The following C1orf159 variants were observed in gnomAD, a reference collection of about 807,000 sequenced individuals.
C1orf159 encodes uncharacterized protein C1orf159.
In C1orf159, 19 loss-of-function variants were observed where a neutral mutation model predicts 25.6. The observed-to-expected ratio is 0.74, with a 90% CI of 0.52 to 1.09. The LOEUF (loss-of-function observed/expected upper bound fraction) is 1.09. Among genes scored for constraint, C1orf159 ranks in the 50% least tolerant of loss-of-function variants. C1orf159 has a pLI of 0.00. For missense variants in C1orf159, 274 were observed against 290.6 expected, an observed-to-expected ratio of 0.94 and a Z score of 0.42; for synonymous variants, 139 against 124.7, an observed-to-expected ratio of 1.12 and a Z score of -0.77.
At chr1:1,091,240 G>A (rs944595306) in intron 3 of C1orf159, 1 of 635,050 alleles carries the variant, frequency 1.6e-6, no homozygotes, top group Non-Finnish European at 2.8e-6. Context: ...CACCGTGGGG[G>A]CCCCGCCTGA....
intron 3 of C1orf159, chr1:1,091,246 C>G (rs920781996): frequency 7.8e-6 from 5 of 640,930 alleles, no homozygotes; most frequent in African/African-American, 7.3e-5. Context: ...GGGGGCCCCG[C>G]CTGACCCAGC....
At chr1:1,105,969 G>T (rs56192957) in intron 1 of C1orf159, 23 of 152,334 alleles carry the variant, frequency 1.5e-4, no homozygotes, top group Non-Finnish European at 2.5e-4. Context: ...GAAGTGAAAT[G>T]CGTGCCGACA....
rs796696958 is a variant in C1orf159, at chr1:1,089,078, C to T, written c.148+1275G>A. Among the ~76,000 whole-genome samples, 8 of 152,300 alleles carry T rather than the reference C, an allele frequency of 5.3e-5. No homozygotes were observed. The highest frequency in any genetic ancestry group is 4.1e-4 in the South Asian group (2 of 4,826). On this transcript the variant is annotated intron_variant, in intron 4 of 9. Coordinates refer to ENST00000421241, the MANE Select transcript of C1orf159 (RefSeq NM_017891.5). The surrounding 1 kb of genome is among the most constrained non-coding windows in gnomAD (Gnocchi z 7.5). ...GCGCAGCACTGTCCCCAGAAGTGCC[C>T]GCTGCCTCCCCGAGCGGAGACGTGA...
At position 1,086,141 on chromosome 1, in the gene C1orf159, T is replaced by C. The variant is rs1008433300; in HGVS notation, c.311-129A>G. On this transcript the variant is annotated intron_variant, in intron 6 of 9. Coordinates refer to ENST00000421241, the MANE Select transcript of C1orf159 (RefSeq NM_017891.5). ...TGCCTGAGCCTCACGGGACCGGCTGTGGGTGCCGAGGGCTCTGCACATGGG... is the reference window on the plus strand; with the variant it reads ...TGCCTGAGCCTCACGGGACCGGCTGCGGGTGCCGAGGGCTCTGCACATGGG... 3.7e-5 allele frequency: 44 copies of C among 1,199,352 alleles called. No homozygotes were observed. In the African/African-American group the frequency reaches 4.7e-4, roughly 13 times the overall value. 74.3% of individuals were successfully genotyped at this position (1,199,352 alleles called of 1,614,324 possible).
chr1:1,083,527 T>C (rs1645778500), intron 9 of C1orf159: 1 of 244,162 alleles, frequency 4.1e-6, no homozygotes, highest in East Asian at 1.2e-4. Context: ...CAGCCACAGA[T>C]GCCTGAGCCG....
intron 1 of C1orf159, among the ~76,000 whole-genome samples, chr1:1,102,614 TAAAAAAAAAAAAA>T (rs1170365187): frequency 1.7e-3 from 57 of 34,130 alleles, no homozygotes; most frequent in African/African-American, 4.5e-3. Context: ...CTGTCTCTAC[TAAAAAAAAAAAAA>T]AAAAAAAAAA....
rs1646246784 is a variant in C1orf159, at chr1:1,110,767, C to T, written c.-136+5293G>A. On this transcript the variant is annotated intron_variant, in intron 1 of 9. Coordinates refer to ENST00000421241, the MANE Select transcript of C1orf159 (RefSeq NM_017891.5). This position sits in a 1 kb window ranked among gnomAD's most constrained non-coding sequence, Gnocchi z 4.8. ...AAACCCACCCGGGCGCCCTCAGAGA[C>T]GACGAGCACGCAACAGCGCATCCCA... Among the ~76,000 whole-genome samples, 1 of 152,188 alleles carries T rather than the reference C, an allele frequency of 6.6e-6. No homozygotes were observed. The highest frequency in any genetic ancestry group is 2.4e-5 in the African/African-American group (1 of 41,446).
intron 1 of C1orf159, among the ~76,000 whole-genome samples, chr1:1,103,675 G>A (rs1278460588): frequency 6.6e-6 from 1 of 152,142 alleles, no homozygotes; most frequent in Non-Finnish European, 1.5e-5. Context: ...AGCTATGGGT[G>A]CCTAGCTCCT....
chr1:1,087,504 C>G lies in C1orf159; in HGVS notation c.242G>C (p.Ser81Thr), dbSNP rs1645850594. The G allele has an allele frequency of 5.8e-6, 9 of 1,548,696 alleles. No individual in the cohort carries two copies. Among genetic ancestry groups the G allele is most frequent in the Non-Finnish European group, 7.9e-6 (9 of 1,145,916 alleles). ...CGGGGGGAGCCGGGCAGACCTACAG[C>G]TTCTACACTCGGAGCCGTTGTAGGC... ...LPAYNGSECR[S>T]FAGPGAPFPM... is the part of the protein sequence containing the mutation. The change falls in exon 5 of 10, where the codon AGC becomes ACC. Residue 81 changes from serine to threonine, a missense_variant and splice_region_variant. Physicochemically the swap from Ser to Thr is moderately conservative, Grantham distance 58. Transcript: ENST00000421241. This position sits in a 1 kb window ranked among gnomAD's most constrained non-coding sequence, Gnocchi z 8.3.
intron 1 of C1orf159, among the ~76,000 whole-genome samples, chr1:1,107,048 C>T (rs950616822): frequency 7.2e-5 from 11 of 152,242 alleles, no homozygotes; most frequent in African/African-American, 2.7e-4. Context: ...CCCGCACCCC[C>T]GCCCGTGGGC....
intron 1 of C1orf159, among the ~76,000 whole-genome samples, chr1:1,097,474 G>A (rs1350184994): frequency 1.3e-5 from 2 of 151,914 alleles, no homozygotes; most frequent in African/African-American, 4.8e-5. Context: ...GTGCAGTGGT[G>A]TGATCACAGT....
chr1:1,087,613 G>A lies in C1orf159; in HGVS notation c.149-16C>T, dbSNP rs1323469253. On this transcript the variant is annotated splice_polypyrimidine_tract_variant and intron_variant, in intron 4 of 9. Transcript: ENST00000421241. This position sits in a 1 kb window ranked among gnomAD's most constrained non-coding sequence, Gnocchi z 8.3. ...CTGTAACAGCCTGCGTGGGGCAGAG[G>A]ACGGGCATGTCAGCCAAAGCAAAAT... 2.0e-6 allele frequency: 3 copies of A among 1,526,780 alleles called. No homozygotes were observed. Among genetic ancestry groups the A allele is most frequent in the African/African-American group, 2.8e-5 (2 of 72,444 alleles). The allele number at this position is 1,526,780 out of a possible 1,614,324, so 94.6% of individuals were successfully genotyped here.
rs762881637 is a variant in C1orf159 at position 1,084,346 on chromosome 1, C to T, written c.502+7G>A. 3.2e-6 allele frequency: 5 copies of T among 1,548,888 alleles called. No homozygotes were observed. The highest frequency in any genetic ancestry group is 4.4e-6 in the Non-Finnish European group (5 of 1,147,462). The stretch of plus-strand genomic sequence containing the variant: ...ACCCCACAGGGGGATGCGACAGCTG[C>T]TGTTACCTGAGGACTGTGGCGGGGG... On this transcript the variant is annotated splice_region_variant and intron_variant, in intron 9 of 9. Coordinates refer to ENST00000421241, the MANE Select transcript of C1orf159 (RefSeq NM_017891.5).
intron 1 of C1orf159, among the ~76,000 whole-genome samples, chr1:1,098,016 T>C (rs1429291379): frequency 6.6e-6 from 1 of 152,186 alleles, no homozygotes; most frequent in Non-Finnish European, 1.5e-5. Context: ...ATATTTTCAT[T>C]ATTATTCAGT....
chr1:1,087,037 G>A lies in C1orf159; in HGVS notation c.310+102C>T. 2 of 1,233,644 alleles carry A rather than the reference G, an allele frequency of 1.6e-6. No individual in the cohort carries two copies. The highest frequency in any genetic ancestry group is 2.3e-6 in the Non-Finnish European group (2 of 873,006). 76.4% of individuals were successfully genotyped at this position (1,233,644 alleles called of 1,614,324 possible). A position where few individuals can be genotyped will look rare whatever the true frequency, so the allele number is the denominator to read the frequency against. On this transcript the variant is annotated intron_variant, in intron 6 of 9. Coordinates refer to ENST00000421241, the MANE Select transcript of C1orf159 (RefSeq NM_017891.5). This position sits in a 1 kb window ranked among gnomAD's most constrained non-coding sequence, Gnocchi z 8.3. ...CCCTCTGGCTGTTTTGCAGAACCCTGAGCCTGCTGTGGCTGCGTCAAGGGT... is the reference window on the plus strand; with the variant it reads ...CCCTCTGGCTGTTTTGCAGAACCCTAAGCCTGCTGTGGCTGCGTCAAGGGT...
chr1:1,099,806 A>G (rs915166619), intron 1 of C1orf159, among the ~76,000 whole-genome samples: 1 of 152,120 alleles, frequency 6.6e-6, no homozygotes, highest in Non-Finnish European at 1.5e-5. Context: ...AAAATCTCCT[A>G]CTATGATTCT....
chr1:1,083,042 G>C (rs1243962156), intron 9 of C1orf159, 55 bp from the exon 10 acceptor site: 1 of 1,437,040 alleles, frequency 7.0e-7, no homozygotes, highest in African/African-American at 1.4e-5. Flanking sequence ...AGCAGGGACA[G>C]TGCAGGCCTC....
At chr1:1,094,020 ATCT>A (rs1557427623) in intron 1 of C1orf159, among the ~76,000 whole-genome samples, 1 of 151,130 alleles carries the variant, frequency 6.6e-6, no homozygotes, top group Non-Finnish European at 1.5e-5. Flanking sequence ...CCACTTATAT[ATCT>A]TCTTTCTGAA....
chr1:1,113,997 A>G (rs1570346068), intron 1 of C1orf159, among the ~76,000 whole-genome samples: 1 of 147,746 alleles, frequency 6.8e-6, no homozygotes, highest in African/African-American at 2.5e-5. Flanking sequence ...GCTCACTGCA[A>G]CCTCCGCCTC....
Sources: gnomAD v4.1 joint callset for allele counts (sites outside exome capture counted in the v4.1 genomes callset) on GRCh38, gnomAD v4.1.1 for gene constraint, Gnocchi (gnomAD v3.1) non-coding constraint, MANE v1.5 for transcripts, NCBI Gene and HGNC (gene_info 2026-07-23, HGNC 2026-07-21) for gene names.